Variants in ZNF385D observed in about 807,000 individuals in gnomAD.
ZNF385D encodes the protein zinc finger protein 385D.
Under a neutral mutation model 35.8 loss-of-function variants are expected in ZNF385D, and 15 were observed. The ratio of observed to expected loss-of-function variants is 0.42; its 90% CI spans 0.28 to 0.64. The LOEUF is 0.64. ZNF385D is among the 30% of genes least tolerant of loss of function. The pLI, the probability that ZNF385D is intolerant of heterozygous loss-of-function variation, is 0.23. For synonymous variants in ZNF385D, 212 were observed against 186.8 expected, an observed-to-expected ratio of 1.13 and a Z score of -1.10; for missense variants, 474 against 494.6, an observed-to-expected ratio of 0.96 and a Z score of 0.39.
upstream of ZNF385D, among the ~76,000 whole-genome samples, chr3:21,752,888 A>G (rs2070169452): frequency 6.6e-6 from 1 of 152,182 alleles, no homozygotes; most frequent in South Asian, 2.1e-4. Flanking sequence ...CCCTCAGGCA[A>G]AAGAACCATC....
At chr3:21,478,156 T>G (rs956956048) in intron 4 of ZNF385D, among the ~76,000 whole-genome samples, 4 of 152,132 alleles carry the variant, frequency 2.6e-5, no homozygotes, top group Admixed American at 6.6e-5. Flanking sequence ...ATTCATAACT[T>G]CAGCCTAAAT....
intron 3 of ZNF385D, among the ~76,000 whole-genome samples, chr3:22,088,080 G>A (rs1166818828): frequency 6.6e-6 from 1 of 152,068 alleles, no homozygotes. Flanking sequence ...TAAAACAAGA[G>A]GATTTTACAA....
intron 3 of ZNF385D, among the ~76,000 whole-genome samples, chr3:21,913,430 G>A (rs183484415): frequency 6.6e-6 from 1 of 152,206 alleles, no homozygotes; most frequent in East Asian, 1.9e-4. Context: ...ATGAATGTAT[G>A]AGTTTTGTAT....
At chr3:22,331,636 G>A (rs1187527453) in intron 2 of ZNF385D, among the ~76,000 whole-genome samples, 1 of 152,096 alleles carries the variant, frequency 6.6e-6, no homozygotes, top group African/African-American at 2.4e-5. Context: ...TTTGGTACAA[G>A]GAGTAAACTT....
chr3:21,865,101 C>T (rs1003477373), intron 3 of ZNF385D, among the ~76,000 whole-genome samples: 27 of 111,748 alleles, frequency 2.4e-4, no homozygotes, highest in Admixed American at 1.6e-3. Flanking sequence ...TACCACTTGC[C>T]GTATCTACTT....
At position 21,670,647 on chromosome 3, in the gene ZNF385D, GGCGCCCCCCCCCCCCCCC is replaced by G. The variant is rs1202878438; in HGVS notation, c.23-5637_23-5620del. Among the ~76,000 whole-genome samples, 118 of 15,758 alleles carry G rather than the reference GGCGCCCCCCCCCCCCCCC, an allele frequency of 7.5e-3. 19 individuals are homozygous for G. Among genetic ancestry groups the G allele is most frequent in the African/African-American group, 0.024 (99 of 4,072 alleles). The allele number at this position is 15,758 out of a possible 152,430, so 10.3% of individuals were successfully genotyped here. Reference sequence around the variant, plus strand: ...CTGAGAAATAAAAATGAAATCCTAAGGCGCCCCCCCCCCCCCCCCCCCCCCCAATGACTGAACGAATCC... The same window carrying G: ...CTGAGAAATAAAAATGAAATCCTAAGCCCCCCCCAATGACTGAACGAATCC... On this transcript the variant is annotated intron_variant, in intron 1 of 7. Coordinates refer to ENST00000281523, the MANE Select transcript of ZNF385D (RefSeq NM_024697.3).
chr3:21,669,837 T>A lies in ZNF385D; in HGVS notation c.23-4809A>T, dbSNP rs115368095. 5.5e-3 allele frequency among the ~76,000 whole-genome samples: 841 copies of A among 152,344 alleles called. 7 individuals carry two copies. Among genetic ancestry groups the A allele is most frequent in the African/African-American group, 0.018 (752 of 41,586 alleles). ...TTTTTTTCTCTTCGCTTATCTTGAC[T>A]GCCTCAGAAGAATGATCACAATAAG... is the stretch of plus-strand genomic sequence containing the variant. On this transcript the variant is annotated intron_variant, in intron 1 of 7. Coordinates refer to ENST00000281523, the MANE Select transcript of ZNF385D (RefSeq NM_024697.3).
chr3:22,302,851 A>G (rs954151710), intron 2 of ZNF385D, among the ~76,000 whole-genome samples: 8 of 152,178 alleles, frequency 5.3e-5, no homozygotes, highest in Admixed American at 5.2e-4. Context: ...TTTAAATCAA[A>G]TATTTACATT....
intron 2 of ZNF385D, among the ~76,000 whole-genome samples, chr3:22,357,118 C>T (rs1236294440): frequency 6.6e-6 from 1 of 151,904 alleles, no homozygotes; most frequent in East Asian, 1.9e-4. Flanking sequence ...TTACATAGTA[C>T]TTTTCCTGTC....
chr3:22,347,988 T>C (rs1347439344), intron 2 of ZNF385D, among the ~76,000 whole-genome samples: 1 of 152,174 alleles, frequency 6.6e-6, no homozygotes, highest in Non-Finnish European at 1.5e-5. Flanking sequence ...CTGAAGAAAT[T>C]ATAGTACCTC....
intron 3 of ZNF385D, among the ~76,000 whole-genome samples, chr3:22,038,519 C>G (rs991010812): frequency 6.6e-6 from 1 of 151,896 alleles, no homozygotes; most frequent in African/African-American, 2.4e-5. Flanking sequence ...GTTATTTGTA[C>G]TGTTGTTGTC....
chr3:22,027,509 C>A (rs1164063860), intron 3 of ZNF385D, among the ~76,000 whole-genome samples: 1 of 152,154 alleles, frequency 6.6e-6, no homozygotes, highest in Non-Finnish European at 1.5e-5. Flanking sequence ...CAAGGTCCTG[C>A]CATCTTCTGC....
chr3:21,589,686 T>TAAGA (rs1438207780), intron 2 of ZNF385D, among the ~76,000 whole-genome samples: 1 of 151,978 alleles, frequency 6.6e-6, no homozygotes, highest in Non-Finnish European at 1.5e-5. Flanking sequence ...AATCATATTC[T>TAAGA]AAGAGAAAAT....
At chr3:22,299,406 T>C (rs993817023) in intron 2 of ZNF385D, among the ~76,000 whole-genome samples, 1 of 151,710 alleles carries the variant, frequency 6.6e-6, no homozygotes, top group African/African-American at 2.4e-5. Context: ...AGAAAGATTA[T>C]ACTACACGGG....
chr3:21,830,716 T>A (rs996558650), intron 3 of ZNF385D, among the ~76,000 whole-genome samples: 9 of 152,204 alleles, frequency 5.9e-5, no homozygotes, highest in African/African-American at 2.2e-4. Flanking sequence ...TGTTCCTTGT[T>A]GTGATTTCCT....
intron 3 of ZNF385D, among the ~76,000 whole-genome samples, chr3:21,818,360 A>T (rs71310286): frequency 0.094 from 14,327 of 152,244 alleles, 1,018 homozygotes; most frequent in East Asian, 0.31. Context: ...AGACCTATTG[A>T]CTAAATGCCA....
intron 1 of ZNF385D, among the ~76,000 whole-genome samples, chr3:21,685,681 A>C (rs2125327626): frequency 6.6e-6 from 1 of 152,340 alleles, no homozygotes; most frequent in Non-Finnish European, 1.5e-5. Flanking sequence ...AAAAAGACAA[A>C]GTACAAACCC....
rs144031104 is a variant in ZNF385D at position 22,237,477 on chromosome 3, G to C, written c.107-68442C>G. Among the ~76,000 whole-genome samples, 726 of 152,206 alleles carry C rather than the reference G, an allele frequency of 4.8e-3. 8 individuals carry two copies. The highest frequency in any genetic ancestry group is 0.016 in the African/African-American group (669 of 41,544). The stretch of plus-strand genomic sequence containing the variant: ...TATAGGTTTTCCTTTGATAGTGCTA[G>C]TTAATGCACAGATGTTTTAATTTTT... On this transcript the variant is annotated intron_variant, in intron 2 of 5. Coordinates refer to the ZNF385D transcript ENST00000494108.
intron 3 of ZNF385D, among the ~76,000 whole-genome samples, chr3:21,792,668 C>G (rs1487353117): frequency 6.6e-6 from 1 of 152,110 alleles, no homozygotes; most frequent in Admixed American, 6.5e-5. Context: ...GACTTGCACA[C>G]ACAGCAAAAA....
Sources: allele counts gnomAD v4.1 joint callset (sites outside exome capture counted in the v4.1 genomes callset), GRCh38; gene constraint gnomAD v4.1.1; transcripts MANE v1.5; gene names NCBI Gene and HGNC (gene_info 2026-07-23, HGNC 2026-07-21).